Variants in ASIC2 observed in about 807,000 individuals in gnomAD.
The protein encoded by ASIC2 is acid-sensing ion channel 2.
Under a neutral mutation model 57.3 loss-of-function variants are expected in ASIC2, and 25 were observed. The ratio of observed to expected loss-of-function variants is 0.44; its 90% confidence interval spans 0.32 to 0.61. ASIC2 has a LOEUF of 0.61. Among genes scored for constraint, ASIC2 ranks in the 20% least tolerant of loss-of-function variants. ASIC2 has a pLI of 0.06. For synonymous variants in ASIC2, 319 were observed against 307.5 expected (o/e 1.04, Z -0.39); for missense variants, 641 against 738.1 (o/e 0.87, Z 1.52).
chr17:33,362,960 A>C (rs1015985864), intron 1 of ASIC2, among the ~76,000 whole-genome samples: 1 of 152,230 alleles, frequency 6.6e-6, no homozygotes, highest in East Asian at 1.9e-4. Context: ...TATGTGTGTA[A>C]ATTGAAGTCT....
intron 1 of ASIC2, among the ~76,000 whole-genome samples, chr17:33,184,217 G>A: frequency 6.6e-6 from 1 of 152,124 alleles, no homozygotes; most frequent in East Asian, 1.9e-4. Flanking sequence ...AAAGCAGAAT[G>A]AAGGTGTCCA....
intron 1 of ASIC2, 106 bp downstream of exon 1, chr17:33,291,302 C>T (rs1283783478): frequency 6.9e-7 from 1 of 1,449,586 alleles, no homozygotes; most frequent in African/African-American, 1.4e-5. Context: ...GGAGTGGTAA[C>T]ACTGCAAGAG....
rs138502115 is a variant in ASIC2, at chr17:33,484,975, C to G, written c.556-372908G>C. ...ATGGGGTAGCCCTGCTCTGCAGGAG[C>G]AATCATGGAGCTGTAACACTGCTGC... On this transcript the variant is annotated intron_variant, in intron 1 of 9. Coordinates refer to the ASIC2 transcript ENST00000359872. Among the ~76,000 whole-genome samples, 643 of 152,370 alleles carry G rather than the reference C, an allele frequency of 4.2e-3. 2 individuals carry two copies. The highest frequency in any genetic ancestry group is 0.015 in the African/African-American group (619 of 41,592).
At chr17:33,221,897 T>C (rs1261988918) in intron 1 of ASIC2, among the ~76,000 whole-genome samples, 1 of 152,238 alleles carries the variant, frequency 6.6e-6, no homozygotes, top group African/African-American at 2.4e-5. Context: ...ATTGATCATT[T>C]ATACTTCACC....
intron 1 of ASIC2, among the ~76,000 whole-genome samples, chr17:33,873,814 G>A (rs905028097): frequency 1.2e-4 from 19 of 152,114 alleles, no homozygotes; most frequent in South Asian, 1.2e-3. Flanking sequence ...GACCGTTTTG[G>A]TGCCTAGAAG....
Position 33,961,989 on chromosome 17 carries a change from C to T in ASIC2, c.555+193989G>A, listed in dbSNP as rs1478754176. ...CTCACATCACCAAGGAGGAATTCCT[C>T]GGTTCCAGATGAGGCCGGCCTTTCA... On this transcript the variant is annotated intron_variant, in intron 1 of 9. Transcript: ENST00000359872. Among the ~76,000 whole-genome samples the T allele has an allele frequency of 5.9e-5, 9 of 152,290 alleles. 1 individual carries two copies. The South Asian group carries it at 1.5e-3, about 25-fold the overall frequency.
chr17:33,547,504 G>A (rs1597778854), intron 1 of ASIC2, among the ~76,000 whole-genome samples: 1 of 152,034 alleles, frequency 6.6e-6, no homozygotes. Context: ...TACCCTCCCA[G>A]GTATCTGATC....
intron 1 of ASIC2, among the ~76,000 whole-genome samples, chr17:34,101,439 G>A (rs1910861432): frequency 6.6e-6 from 1 of 152,152 alleles, no homozygotes; most frequent in Non-Finnish European, 1.5e-5. Context: ...CTTACCTGAA[G>A]GTAACAAACA....
At chr17:33,638,218 G>A (rs1906434862) in intron 1 of ASIC2, among the ~76,000 whole-genome samples, 1 of 152,174 alleles carries the variant, frequency 6.6e-6, no homozygotes, top group Non-Finnish European at 1.5e-5. Flanking sequence ...CAGAATTCAG[G>A]TTCCCCTCAT....
intron 1 of ASIC2, among the ~76,000 whole-genome samples, chr17:33,782,565 A>T (rs948102742): frequency 1.3e-5 from 2 of 152,020 alleles, no homozygotes; most frequent in Non-Finnish European, 2.9e-5. Flanking sequence ...TGTCTCTACT[A>T]AAAAACACAA....
intron 1 of ASIC2, among the ~76,000 whole-genome samples, chr17:34,034,899 G>A (rs377320754): frequency 6.6e-6 from 1 of 152,156 alleles, no homozygotes; most frequent in Non-Finnish European, 1.5e-5. Context: ...CATGCTTATG[G>A]ATAGGAAGAA....
At chr17:33,762,244 G>A (rs1158134349) in intron 1 of ASIC2, among the ~76,000 whole-genome samples, 2 of 152,068 alleles carry the variant, frequency 1.3e-5, no homozygotes, top group Non-Finnish European at 2.9e-5. Context: ...CCACCACATT[G>A]GGTCCTGGGA....
chr17:33,579,797 G>C (rs910328940), intron 1 of ASIC2, among the ~76,000 whole-genome samples: 6 of 152,008 alleles, frequency 3.9e-5, no homozygotes, highest in Admixed American at 1.3e-4. Flanking sequence ...ACCACACCGT[G>C]AAAAACACCC....
chr17:33,710,149 C>G (rs1023590206), intron 1 of ASIC2, among the ~76,000 whole-genome samples: 2 of 152,246 alleles, frequency 1.3e-5, no homozygotes, highest in South Asian at 2.1e-4. Context: ...CCATCCCTCT[C>G]TAACCACATT....
chr17:33,875,075 C>T (rs1319802835), intron 1 of ASIC2, among the ~76,000 whole-genome samples: 1 of 152,030 alleles, frequency 6.6e-6, no homozygotes, highest in Non-Finnish European at 1.5e-5. Flanking sequence ...ACCTGGAGAG[C>T]CAAAGGGAGT....
intron 1 of ASIC2, among the ~76,000 whole-genome samples, chr17:33,905,841 T>G (rs913164022): frequency 1.3e-5 from 2 of 151,884 alleles, no homozygotes; most frequent in East Asian, 3.9e-4. Context: ...ATCAGGTTCT[T>G]GGTTCTTGCT....
intron 7 of ASIC2, among the ~76,000 whole-genome samples, chr17:33,020,440 C>A (rs2091830720): frequency 6.6e-6 from 1 of 152,146 alleles, no homozygotes; most frequent in East Asian, 1.9e-4. Context: ...CTCAGGGAGA[C>A]AACAGCTATT....
intron 1 of ASIC2, among the ~76,000 whole-genome samples, chr17:33,960,073 G>T (rs887472272): frequency 6.6e-6 from 1 of 152,206 alleles, no homozygotes; most frequent in Non-Finnish European, 1.5e-5. Context: ...CCTAGCTCCA[G>T]TTGTTGGTTT....
intron 1 of ASIC2, among the ~76,000 whole-genome samples, chr17:34,134,801 T>G (rs1248656266): frequency 6.6e-6 from 1 of 152,226 alleles, no homozygotes; most frequent in South Asian, 2.1e-4. Flanking sequence ...GCCAGTCATT[T>G]CTAGGAGAGG....
Sources: allele counts gnomAD v4.1 joint callset (sites outside exome capture counted in the v4.1 genomes callset), GRCh38; gene constraint gnomAD v4.1.1; transcripts MANE v1.5; gene names NCBI Gene and HGNC (gene_info 2026-07-23, HGNC 2026-07-21).